SMYD2: variants seen among roughly 807,000 people sequenced by gnomAD.
SMYD2 encodes the protein N-lysine methyltransferase SMYD2.
A neutral mutation model predicts 59.1 loss-of-function variants in SMYD2; 53 were observed. The observed-to-expected ratio is 0.90, with a 90% CI of 0.72 to 1.13. The LOEUF is 1.13. Among genes scored for constraint, SMYD2 ranks in the 50% most tolerant of loss-of-function variants. The pLI, the probability that SMYD2 is intolerant of heterozygous loss-of-function variation, is 0.00. For synonymous variants in SMYD2, 208 were observed against 198.8 expected (o/e 1.05, Z -0.39); for missense variants, 494 against 544.7 (o/e 0.91, Z 0.93).
rs1199623051 is a variant in SMYD2 at position 214,334,319 on chromosome 1, A to T, written c.1221+11A>T. ...AAAGCCCTGAAGAAGGTATGTCTGT[A>T]ACTCGGCCTTAGGATTCCCAGTGGC... On this transcript the variant is annotated intron_variant, in intron 11 of 11. Transcript: ENST00000366957. 6.2e-7 allele frequency: 1 copy of T among 1,611,982 alleles called. No individual in the cohort carries two copies. Among genetic ancestry groups the T allele is most frequent in the South Asian group, 1.1e-5 (1 of 91,012 alleles).
chr1:214,287,442 C>T (rs1456832077), intron 1 of SMYD2, among the ~76,000 whole-genome samples: 1 of 152,030 alleles, frequency 6.6e-6, no homozygotes, highest in East Asian at 1.9e-4. Flanking sequence ...CAAAAATTAG[C>T]TGGGCATAGT....
intron 1 of SMYD2, 116 bp from the exon 2 acceptor site, chr1:214,305,071 G>A (rs1656895052): frequency 7.6e-6 from 7 of 922,020 alleles, no homozygotes; most frequent in Admixed American, 1.8e-5. Flanking sequence ...GGAGAGTAAG[G>A]TAAGGTGAAC....
At chr1:214,310,348 T>C in intron 2 of SMYD2, among the ~76,000 whole-genome samples, 1 of 152,220 alleles carries the variant, frequency 6.6e-6, no homozygotes, top group African/African-American at 2.4e-5. Context: ...TCACCTTTTT[T>C]ATGGATTTAA....
chr1:214,286,856 CT>C (rs34796070), intron 1 of SMYD2, among the ~76,000 whole-genome samples: 3 of 145,158 alleles, frequency 2.1e-5, no homozygotes, highest in Non-Finnish European at 1.5e-5. Context: ...GATCTCTCTT[CT>C]TTTTTTTTTT....
chr1:214,332,046 G>A lies in SMYD2; in HGVS notation c.966G>A (p.Glu322=), dbSNP rs1657363862. Reference sequence around the variant, plus strand: ...CTAGTGAGCTGCTGGAGATCTGCGAGCTCAGCCAGGAGAAGATGAGCTCTG... The same window carrying A: ...CTAGTGAGCTGCTGGAGATCTGCGAACTCAGCCAGGAGAAGATGAGCTCTG... The part of the protein sequence containing the change: ...KSPSELLEIC[E]LSQEKMSSVF... Residue 322 remains glutamate (E), a synonymous_variant, in exon 10 of 12, where the codon GAG becomes GAA. Transcript: ENST00000366957. The A allele has an allele frequency of 6.2e-7, 1 of 1,613,598 alleles. No individual in the cohort carries two copies. The highest frequency in any genetic ancestry group is 1.3e-5 in the African/African-American group (1 of 74,924).
chr1:214,329,845 G>C (rs1223530003), intron 7 of SMYD2, among the ~76,000 whole-genome samples: 1 of 152,234 alleles, frequency 6.6e-6, no homozygotes, highest in African/African-American at 2.4e-5. Flanking sequence ...CCAGGCAGAG[G>C]CAGCTGAGGG....
intron 1 of SMYD2, among the ~76,000 whole-genome samples, chr1:214,293,455 A>G (rs1240560504): frequency 1.3e-5 from 2 of 152,178 alleles, no homozygotes; most frequent in East Asian, 3.9e-4. Flanking sequence ...TTTTTTGAAC[A>G]TCCTACTATT....
chr1:214,298,974 G>A (rs1030625513), intron 1 of SMYD2, among the ~76,000 whole-genome samples: 2 of 152,070 alleles, frequency 1.3e-5, no homozygotes, highest in Non-Finnish European at 2.9e-5. Flanking sequence ...GCAACATAGC[G>A]AGGCCCTCAT....
At chr1:214,287,398 C>G (rs1400884722) in intron 1 of SMYD2, among the ~76,000 whole-genome samples, 1 of 151,438 alleles carries the variant, frequency 6.6e-6, no homozygotes, top group African/African-American at 2.4e-5. Context: ...ACCAGCCTGA[C>G]CAACATGGTG....
At chr1:214,294,194 G>A (rs2102456598) in intron 1 of SMYD2, among the ~76,000 whole-genome samples, 1 of 152,282 alleles carries the variant, frequency 6.6e-6, no homozygotes, top group South Asian at 2.1e-4. Flanking sequence ...AAAAATGTCT[G>A]CTAAATCTGT....
At chr1:214,286,511 C>A (rs1656548553) in intron 1 of SMYD2, among the ~76,000 whole-genome samples, 1 of 151,966 alleles carries the variant, frequency 6.6e-6, no homozygotes, top group South Asian at 2.1e-4. Context: ...TGGCTCACAC[C>A]TGTAATCCCA....
intron 3 of SMYD2, among the ~76,000 whole-genome samples, chr1:214,317,412 C>T (rs1441363963): frequency 1.3e-5 from 2 of 152,172 alleles, no homozygotes; most frequent in Non-Finnish European, 1.5e-5. Context: ...GGGAGGTGAG[C>T]GTGCCCTGCT....
chr1:214,285,139 G>A (rs138154827), intron 1 of SMYD2, among the ~76,000 whole-genome samples: 6 of 152,286 alleles, frequency 3.9e-5, no homozygotes, highest in Admixed American at 1.3e-4. Context: ...TAAATTGTTT[G>A]CCTGAGCCAA....
At chr1:214,310,503 A>AT (rs10699247) in intron 2 of SMYD2, among the ~76,000 whole-genome samples, 18,681 of 136,354 alleles carry the variant, frequency 0.14, 1,637 homozygotes, top group African/African-American at 0.23. Context: ...TATTTTATTA[A>AT]TTTTTTTTTT....
intron 6 of SMYD2, among the ~76,000 whole-genome samples, chr1:214,326,365 TCA>T (rs1657262145): frequency 6.6e-6 from 1 of 152,150 alleles, no homozygotes. Flanking sequence ...TCCCCCACCT[TCA>T]TTAAAGAGAT....
At chr1:214,331,127 G>A (rs1214846059) in intron 9 of SMYD2, 57 bp downstream of exon 9, 9 of 1,602,982 alleles carry the variant, frequency 5.6e-6, no homozygotes, top group South Asian at 5.5e-5. Flanking sequence ...GGCAAGGTGG[G>A]AAGTTGGAAA....
chr1:214,305,278 G>A (rs1656898801), intron 2 of SMYD2, 28 bp downstream of exon 2: 1 of 1,606,554 alleles, frequency 6.2e-7, no homozygotes, highest in South Asian at 1.1e-5. Context: ...GGCAGGGAGG[G>A]CCTAATTTCC....
intron 9 of SMYD2, 38 bp downstream of exon 9, chr1:214,331,108 C>T (rs375587986): frequency 6.2e-6 from 10 of 1,604,448 alleles, no homozygotes; most frequent in East Asian, 2.2e-5. Flanking sequence ...TATTATCCCT[C>T]GCCAACAAGG....
intron 3 of SMYD2, among the ~76,000 whole-genome samples, chr1:214,316,575 T>C (rs968485127): frequency 2.6e-5 from 4 of 152,186 alleles, no homozygotes; most frequent in Non-Finnish European, 5.9e-5. Context: ...AATTTTTCTA[T>C]TTTTTAATCT....
Sources: allele counts gnomAD v4.1 joint callset (sites outside exome capture counted in the v4.1 genomes callset), GRCh38; gene constraint gnomAD v4.1.1; transcripts MANE v1.5; gene names NCBI Gene and HGNC (gene_info 2026-07-23, HGNC 2026-07-21).